Variants in ZFPM1 observed in about 807,000 individuals in gnomAD.
ZFPM1 encodes zinc finger protein ZFPM1.
ZFPM1 carries 28 observed loss-of-function variants against 46.3 expected under a neutral mutation model. That is an observed-to-expected ratio of 0.60 (90% CI 0.45 to 0.83). The LOEUF is 0.83. Among genes scored for constraint, ZFPM1 ranks in the 40% least tolerant of loss-of-function variants. ZFPM1 has a pLI of 0.00. For synonymous variants in ZFPM1, 957 were observed against 675.9 expected, an observed-to-expected ratio of 1.42 and a Z score of -6.45; for missense variants, 1,878 against 1,432.4, an observed-to-expected ratio of 1.31 and a Z score of -5.02.
At chr16:88,509,150 G>A (rs1910818483) in intron 3 of ZFPM1, among the ~76,000 whole-genome samples, 1 of 152,224 alleles carries the variant, frequency 6.6e-6, no homozygotes, top group South Asian at 2.1e-4. Context: ...CCGCCAGTCC[G>A]CTGACCCACA....
At chr16:88,509,354 T>C (rs1289985318) in intron 3 of ZFPM1, among the ~76,000 whole-genome samples, 1 of 152,156 alleles carries the variant, frequency 6.6e-6, no homozygotes, top group East Asian at 1.9e-4. Context: ...GCCGATTAGA[T>C]AAGTGGGTGC....
rs1181857422 is a variant in ZFPM1 at position 88,453,629 on chromosome 16, C to A, written c.-10C>A. The A allele has an allele frequency of 1.1e-5, 12 of 1,138,622 alleles. No homozygotes were observed. Among genetic ancestry groups the A allele is most frequent in the African/African-American group, 1.7e-5 (1 of 60,286 alleles). 70.5% of individuals were successfully genotyped at this position (1,138,622 alleles called of 1,614,324 possible). A position where few individuals can be genotyped will look rare whatever the true frequency, so the allele number is the denominator to read the frequency against. On this transcript the variant is annotated 5_prime_UTR_variant, in exon 1 of 10. Transcript: ENST00000319555. ...AGGCGGCCGCCGGGAGGGCGCGCGG[C>A]GCCGGAGACATGTCCAGGCGGAAAC... is the stretch of plus-strand genomic sequence containing the variant.
chr16:88,504,687 C>G (rs1567542915), intron 3 of ZFPM1, among the ~76,000 whole-genome samples: 1 of 152,192 alleles, frequency 6.6e-6, no homozygotes, highest in Non-Finnish European at 1.5e-5. Context: ...GCCTGCCAGT[C>G]CAGCTGCCCC....
chr16:88,534,868 C>T lies in ZFPM1; in HGVS notation c.2910C>T (p.Asn970=). 3 of 1,567,628 alleles carry T rather than the reference C, an allele frequency of 1.9e-6. No homozygotes were observed. Among genetic ancestry groups the T allele is most frequent in the Non-Finnish European group, 1.7e-6 (2 of 1,162,718 alleles). ...PSKGTPAPLP[N]GNHRYCRLCN... ...AGGGCACGCCGGCGCCGCTGCCCAA[C>T]GGCAACCACCGGTACTGCCGTCTTT... Residue 970 remains asparagine, a synonymous_variant, in exon 10 of 10, where the codon AAC becomes AAT. Transcript: ENST00000319555.
At chr16:88,512,547 G>A (rs1270791848) in intron 3 of ZFPM1, among the ~76,000 whole-genome samples, 3 of 143,454 alleles carry the variant, frequency 2.1e-5, no homozygotes, top group South Asian at 2.4e-4. Flanking sequence ...CCCCCACCCC[G>A]CCCTGCCCCC....
Position 88,535,085 on chromosome 16 carries a change from C to T in ZFPM1, c.*106C>T. On this transcript the variant is annotated 3_prime_UTR_variant, in exon 10 of 10. Transcript: ENST00000319555. Reference sequence around the variant, plus strand: ...CCGCTCCTGGGAACCCCGCCACGCACAGGCCTCGGCGGAGGGGGCCGCAGG... The same window carrying T: ...CCGCTCCTGGGAACCCCGCCACGCATAGGCCTCGGCGGAGGGGGCCGCAGG... 7.7e-7 allele frequency: 1 copy of T among 1,301,490 alleles called. No individual in the cohort carries two copies. Among genetic ancestry groups the T allele is most frequent in the Middle Eastern group, 2.3e-4 (1 of 4,378 alleles). 80.6% of individuals were successfully genotyped at this position (1,301,490 alleles called of 1,614,324 possible). A position where few individuals can be genotyped will look rare whatever the true frequency, so the allele number is the denominator to read the frequency against.
At chr16:88,465,866 G>A (rs936247775) in intron 1 of ZFPM1, among the ~76,000 whole-genome samples, 17 of 152,200 alleles carry the variant, frequency 1.1e-4, no homozygotes, top group African/African-American at 3.6e-4. Flanking sequence ...CCCGGCGTGC[G>A]GCTAATCCTC....
At chr16:88,499,978 C>T (rs1311093248) in intron 3 of ZFPM1, among the ~76,000 whole-genome samples, 2 of 152,186 alleles carry the variant, frequency 1.3e-5, no homozygotes, top group Non-Finnish European at 2.9e-5. Flanking sequence ...GGTTGGGGGG[C>T]GGGGGCCGGG....
At chr16:88,512,864 ACT>A (rs1812475101) in intron 3 of ZFPM1, 1 of 151,946 alleles carries the variant, frequency 6.6e-6, no homozygotes, top group African/African-American at 2.4e-5. Context: ...GCCCCCCACC[ACT>A]GTCACACGCA....
chr16:88,504,108 T>G lies in ZFPM1; in HGVS notation c.269-10279T>G, dbSNP rs149602776. Among the ~76,000 whole-genome samples the G allele has an allele frequency of 1.6e-3, 244 of 151,504 alleles. 1 individual carries two copies. Among genetic ancestry groups the G allele is most frequent in the African/African-American group, 5.8e-3 (238 of 41,336 alleles). The stretch of plus-strand genomic sequence containing the variant: ...TGGGCCCTCACTCACCCTCTCCCAT[T>G]TATGAAGCACAGACAGAGTCCCCAG... On this transcript the variant is annotated intron_variant, in intron 3 of 9. Transcript: ENST00000319555.
chr16:88,477,655 G>A (rs918052581), intron 1 of ZFPM1, among the ~76,000 whole-genome samples: 35 of 152,146 alleles, frequency 2.3e-4, no homozygotes, highest in African/African-American at 8.5e-4. Context: ...TGATTGCACA[G>A]GCACACTCCA....
chr16:88,487,322 T>TA (rs1014999446), intron 2 of ZFPM1, among the ~76,000 whole-genome samples: 1 of 152,142 alleles, frequency 6.6e-6, no homozygotes, highest in Non-Finnish European at 1.5e-5. Context: ...ATCTCATACC[T>TA]ACCCCATGCC....
At position 88,510,505 on chromosome 16, in the gene ZFPM1, C is replaced by T. The variant is rs112860050; in HGVS notation, c.269-3882C>T. Among the ~76,000 whole-genome samples, 25 of 152,364 alleles carry T rather than the reference C, an allele frequency of 1.6e-4. 1 individual carries two copies. Among genetic ancestry groups the T allele is most frequent in the African/African-American group, 6.0e-4 (25 of 41,580 alleles). On this transcript the variant is annotated intron_variant, in intron 3 of 9. Transcript: ENST00000319555. Reference sequence around the variant, plus strand: ...TTCTCATTTGGTTCCTCGCAGATGCCTGGGGGTGAAATTGAATCCCAGCAC... The same window carrying T: ...TTCTCATTTGGTTCCTCGCAGATGCTTGGGGGTGAAATTGAATCCCAGCAC...
At chr16:88,473,667 C>A (rs1185724552) in intron 1 of ZFPM1, among the ~76,000 whole-genome samples, 2 of 152,140 alleles carry the variant, frequency 1.3e-5, no homozygotes, top group Non-Finnish European at 1.5e-5. Flanking sequence ...ATCTATCAGC[C>A]CTTATCACCC....
At chr16:88,466,294 T>C (rs753106324) in intron 1 of ZFPM1, among the ~76,000 whole-genome samples, 1 of 152,206 alleles carries the variant, frequency 6.6e-6, no homozygotes, top group Non-Finnish European at 1.5e-5. Context: ...CATGGAGTAC[T>C]CTGCAGCCCT....
intron 3 of ZFPM1, among the ~76,000 whole-genome samples, chr16:88,510,587 C>T (rs1390862682): frequency 6.6e-6 from 1 of 152,212 alleles, no homozygotes; most frequent in African/African-American, 2.4e-5. Context: ...TAAATTAGTC[C>T]TTGTCCCAGT....
chr16:88,493,166 G>A (rs1372319070), intron 3 of ZFPM1, among the ~76,000 whole-genome samples: 1 of 109,958 alleles, frequency 9.1e-6, no homozygotes, highest in Non-Finnish European at 2.2e-5. Flanking sequence ...GGTGAGGAGA[G>A]CTGTCCCGGA....
intron 4 of ZFPM1, among the ~76,000 whole-genome samples, chr16:88,519,098 G>A (rs549859807): frequency 1.7e-4 from 23 of 135,716 alleles, no homozygotes; most frequent in South Asian, 1.3e-3. Context: ...GGCTGAGAGT[G>A]TGGGTGGATG....
chr16:88,534,788 C>T lies in ZFPM1; in HGVS notation c.2830C>T (p.Pro944Ser), dbSNP rs748568849. The change falls in exon 10 of 10, where the codon CCG (proline) becomes TCG (serine). Residue 944 changes from proline (P) to serine (S), a missense_variant. Physicochemically the swap from Pro to Ser is moderately conservative, Grantham distance 74. Coordinates refer to ENST00000319555, the MANE Select transcript of ZFPM1 (RefSeq NM_153813.3). The stretch of plus-strand genomic sequence containing the variant: ...CCCGGCCGCCGCGCCCGAGGCCGTG[C>T]CGCCCCCGCCGGCGCCCCCCTCCTA... The part of the protein sequence containing the change: ...PSPAAAPEAV[P>S]PPPAPPSYSD... 16 of 1,335,576 alleles carry T rather than the reference C, an allele frequency of 1.2e-5. No homozygotes were observed. The highest frequency in any genetic ancestry group is 4.0e-5 in the South Asian group (2 of 50,158). The allele number at this position is 1,335,576 out of a possible 1,614,324, so 82.7% of individuals were successfully genotyped here.
Sources: allele counts gnomAD v4.1 joint callset (sites outside exome capture counted in the v4.1 genomes callset), GRCh38; gene constraint gnomAD v4.1.1; transcripts MANE v1.5; gene names NCBI Gene and HGNC (gene_info 2026-07-23, HGNC 2026-07-21).